The following METTL4 variants were observed in gnomAD, a reference collection of about 807,000 sequenced individuals.
METTL4 encodes the protein methyltransferase 4, N6-adenosine, also known as N(6)-adenine-specific methyltransferase METTL4.
In METTL4, 40 loss-of-function variants were observed where a neutral mutation model predicts 54.0. The observed-to-expected ratio is 0.74, with a 90% confidence interval of 0.58 to 0.96. METTL4 has a LOEUF of 0.96. Ranked by LOEUF, METTL4 falls within the 50% of genes least tolerant of loss-of-function variation. The pLI is 0.00. For missense variants in METTL4, 525 were observed against 549.0 expected (o/e 0.96, Z 0.44); for synonymous variants, 169 against 183.8 (o/e 0.92, Z 0.65).
Position 2,567,025 on chromosome 18 carries a change from A to C in METTL4, c.192T>G (p.Ala64=), listed in dbSNP as rs774528996. 5.6e-6 allele frequency: 9 copies of C among 1,614,178 alleles called. 1 individual carries two copies. The East Asian group carries it at 2.0e-4, about 36-fold the overall frequency. ...TCTCTGGCTTAGTGGAAGAGTCAGA[A>C]GCAATAAATGCAGCACAGACTCCAG... ...SSSGVCAAFI[A]SDSSTKPEND... Residue 64 remains alanine (A), a synonymous_variant, in exon 2 of 9, where the codon GCT becomes GCG. Coordinates refer to ENST00000574538, the MANE Select transcript of METTL4 (RefSeq NM_022840.5).
At chr18:2,550,332 A>G (rs1168702590) in intron 5 of METTL4, among the ~76,000 whole-genome samples, 1 of 152,192 alleles carries the variant, frequency 6.6e-6, no homozygotes, top group East Asian at 1.9e-4. Flanking sequence ...ATGTGATGCA[A>G]TGGAAAGTAT....
chr18:2,554,772 A>C lies in METTL4; in HGVS notation c.726T>G (p.Ser242=). ...TTAAAGTAATCACTTTTGTAAAGCT[A>C]GAGTTGTTTTCAACAACTCGCAAAA... ...DLFLRVVENN[S]SFTKVITLMG... The change falls in exon 4 of 9, where the codon TCT becomes TCG. Residue 242 remains serine, a synonymous_variant. Transcript: ENST00000574538. 6.2e-7 allele frequency: 1 copy of C among 1,613,790 alleles called. No individual in the cohort carries two copies. The highest frequency in any genetic ancestry group is 8.5e-7 in the Non-Finnish European group (1 of 1,179,780).
In METTL4 at chr18:2,567,167, G is replaced by C. The variant is rs201068656; in HGVS notation, c.50C>G (p.Ser17Cys). The stretch of plus-strand genomic sequence containing the variant: ...TTGATAGTTTATCTTGTTGATAAAA[G>C]AAAGATGATCCAGTAACCACCCAGC... ...LSAGWLLDHLSFINKINYQLH... is the reference protein window; with the variant it reads ...LSAGWLLDHLCFINKINYQLH... The change falls in exon 2 of 9, where the codon TCT becomes TGT. Residue 17 changes from serine to cysteine, a missense_variant. By Grantham distance (112) the Ser-to-Cys change is moderately radical. Transcript: ENST00000574538. The C allele has an allele frequency of 8.7e-5, 141 of 1,613,574 alleles. No homozygotes were observed. Among genetic ancestry groups the C allele is most frequent in the Non-Finnish European group, 1.1e-4 (133 of 1,179,798 alleles).
At chr18:2,561,155 A>C (rs1217115794) in intron 3 of METTL4, 1 of 152,236 alleles carries the variant, frequency 6.6e-6, no homozygotes, top group African/African-American at 2.4e-5. Context: ...GCACAAGACA[A>C]AGTAAATATG....
rs558756849 is a variant in METTL4, at chr18:2,544,140, C to T, written c.1273+55G>A. 1.1e-4 allele frequency: 154 copies of T among 1,387,350 alleles called. 2 individuals are homozygous for T. The East Asian group carries it at 3.5e-3, about 31-fold the overall frequency. The allele number at this position is 1,387,350 out of a possible 1,614,324, so 85.9% of individuals were successfully genotyped here. A position where few individuals can be genotyped will look rare whatever the true frequency, so the allele number is the denominator to read the frequency against. The stretch of plus-strand genomic sequence containing the variant: ...GTAGGCCGTTTAAATACTAAATGTA[C>T]ACTTTTTTTCAAATTTGACAAAAGT... On this transcript the variant is annotated intron_variant, in intron 8 of 8. Coordinates refer to ENST00000574538, the MANE Select transcript of METTL4 (RefSeq NM_022840.5).
chr18:2,565,274 G>A (rs556062347), intron 2 of METTL4, among the ~76,000 whole-genome samples: 37 of 151,184 alleles, frequency 2.4e-4, no homozygotes, highest in Non-Finnish European at 4.3e-4. Flanking sequence ...GCAAGACTCC[G>A]TCTCAAAAAA....
At chr18:2,565,608 C>T (rs2072396973) in intron 2 of METTL4, among the ~76,000 whole-genome samples, 2 of 152,108 alleles carry the variant, frequency 1.3e-5, no homozygotes, top group African/African-American at 4.8e-5. Flanking sequence ...TTTCCTTATT[C>T]TAATTCTCAA....
chr18:2,544,906 T>C (rs2072049293), intron 6 of METTL4, 147 bp from the exon 7 acceptor site: 1 of 483,354 alleles, frequency 2.1e-6, no homozygotes, highest in Non-Finnish European at 3.7e-6. Context: ...AATTTTCTAA[T>C]AGAAACACCA....
chr18:2,570,847 G>A (rs949475), intron 1 of METTL4, among the ~76,000 whole-genome samples: 3 of 152,066 alleles, frequency 2.0e-5, no homozygotes, highest in Non-Finnish European at 4.4e-5. Flanking sequence ...CCACTCTCCA[G>A]GTACCGGGCA....
At chr18:2,542,753 T>C (rs907371697) in intron 8 of METTL4, among the ~76,000 whole-genome samples, 7 of 152,168 alleles carry the variant, frequency 4.6e-5, no homozygotes, top group Admixed American at 4.6e-4. Context: ...CAATCGATTA[T>C]TCACTGAGAA....
Position 2,554,715 on chromosome 18 carries a change from G to C in METTL4, c.783C>G (p.Ser261Arg). 5 of 1,610,160 alleles carry C rather than the reference G, an allele frequency of 3.1e-6. No individual in the cohort carries two copies. The highest frequency in any genetic ancestry group is 4.2e-6 in the Non-Finnish European group (5 of 1,178,796). The change falls in exon 4 of 9, where the codon AGC becomes AGG. Residue 261 changes from serine (S) to arginine (R), a missense_variant. Coordinates refer to ENST00000574538, the MANE Select transcript of METTL4 (RefSeq NM_022840.5). ...MGQKYLLPPK[S>R]SFLLSDISCM... ...AAGAAATGTCAGATAAAAGAAAACT[G>C]CTTTTCGGTGGTAGCAGGTATTTCT... is the stretch of plus-strand genomic sequence containing the variant.
Position 2,538,227 on chromosome 18 carries a change from A to G in METTL4, c.*773T>C. ...GTTTACTTGCTGCCATGTTTATTAT[A>G]AGGAATAGCTTTTCATTTTCTTCTA... On this transcript the variant is annotated 3_prime_UTR_variant, in exon 9 of 9. Transcript: ENST00000574538. The G allele has an allele frequency of 3.5e-6, 1 of 282,496 alleles. No individual in the cohort carries two copies. The highest frequency in any genetic ancestry group is 6.5e-6 in the Non-Finnish European group (1 of 154,716). 17.5% of individuals were successfully genotyped at this position (282,496 alleles called of 1,614,324 possible). A position where few individuals can be genotyped will look rare whatever the true frequency, so the allele number is the denominator to read the frequency against.
chr18:2,552,148 G>A (rs373234912), intron 5 of METTL4, among the ~76,000 whole-genome samples: 5 of 151,794 alleles, frequency 3.3e-5, no homozygotes, highest in Admixed American at 2.0e-4. Flanking sequence ...AGCCAAGATC[G>A]CGCCACTGCA....
At chr18:2,556,334 G>A (rs1215040967) in intron 3 of METTL4, among the ~76,000 whole-genome samples, 1 of 152,034 alleles carries the variant, frequency 6.6e-6, no homozygotes, top group Non-Finnish European at 1.5e-5. Flanking sequence ...ACCAAAGTCT[G>A]CTCTGATCAT....
At chr18:2,559,725 C>T (rs938242633) in intron 3 of METTL4, among the ~76,000 whole-genome samples, 2 of 151,998 alleles carry the variant, frequency 1.3e-5, no homozygotes, top group South Asian at 4.1e-4. Flanking sequence ...ATGAAATGAA[C>T]ACATTTCTGT....
chr18:2,542,893 C>T (rs1442250506), intron 8 of METTL4, among the ~76,000 whole-genome samples: 2 of 151,904 alleles, frequency 1.3e-5, no homozygotes, highest in African/African-American at 2.4e-5. Flanking sequence ...TTTGGGAGGC[C>T]GAGGCGGGCG....
intron 3 of METTL4, chr18:2,561,035 T>A (rs2072309711): frequency 6.6e-6 from 1 of 151,792 alleles, no homozygotes; most frequent in Non-Finnish European, 1.5e-5. Flanking sequence ...AAAAAATTTT[T>A]AAAAAAGAAA....
chr18:2,544,082 T>C, intron 8 of METTL4, 113 bp downstream of exon 8: 3 of 685,220 alleles, frequency 4.4e-6, no homozygotes, highest in Non-Finnish European at 7.0e-6. Context: ...GAATATTCAT[T>C]AACAACCTAC....
At position 2,539,294 on chromosome 18, in the gene METTL4, A is replaced by G. The variant is rs1050347302; in HGVS notation, c.1274-149T>C. The G allele has an allele frequency of 1.8e-5, 12 of 673,222 alleles. No homozygotes were observed. The African/African-American group carries it at 1.8e-4, about 10-fold the overall frequency. The allele number at this position is 673,222 out of a possible 1,614,324, so 41.7% of individuals were successfully genotyped here. Reference sequence around the variant, plus strand: ...CAAGGATTTCATCACAGGCTTTACTATTTATAGTTAGAAAGCCATTTAAAA... The same window carrying G: ...CAAGGATTTCATCACAGGCTTTACTGTTTATAGTTAGAAAGCCATTTAAAA... On this transcript the variant is annotated intron_variant, in intron 8 of 8. Transcript: ENST00000574538.
Sources: allele counts gnomAD v4.1 joint callset (sites outside exome capture counted in the v4.1 genomes callset), GRCh38; gene constraint gnomAD v4.1.1; transcripts MANE v1.5; gene names NCBI Gene and HGNC (gene_info 2026-07-23, HGNC 2026-07-21).